The following CRY2 variants were observed in gnomAD, a reference collection of about 807,000 sequenced individuals.
CRY2 encodes cryptochrome-2.
In CRY2, 31 loss-of-function variants were observed where a neutral mutation model predicts 69.5. That is an observed-to-expected ratio of 0.45 (90% CI 0.34 to 0.60). CRY2 has a LOEUF of 0.60. CRY2 is among the 20% of genes least tolerant of loss of function. The pLI is 0.02. For missense variants in CRY2, 606 were observed against 797.8 expected (o/e 0.76, Z 2.90); for synonymous variants, 303 against 312.2 (o/e 0.97, Z 0.31).
chr11:45,855,560 A>G (rs2086232842), intron 1 of CRY2, among the ~76,000 whole-genome samples: 1 of 152,216 alleles, frequency 6.6e-6, no homozygotes. Context: ...CGAGGGAGTA[A>G]GTGACTAGCC....
chr11:45,875,625 G>A (rs1026992496), intron 11 of CRY2, among the ~76,000 whole-genome samples: 1 of 152,200 alleles, frequency 6.6e-6, no homozygotes, highest in African/African-American at 2.4e-5. Context: ...GTGGCTCAGT[G>A]GGGAGTTAGG....
intron 5 of CRY2, chr11:45,867,400 CAAATT>C: frequency 1.7e-6 from 1 of 574,364 alleles, no homozygotes; most frequent in South Asian, 2.7e-5. Flanking sequence ...AGTCACCCCA[CAAATT>C]AAAGAGCAAG....
chr11:45,852,226 C>A (rs568796645), intron 1 of CRY2, among the ~76,000 whole-genome samples: 32 of 152,306 alleles, frequency 2.1e-4, no homozygotes, highest in African/African-American at 7.7e-4. Flanking sequence ...TGAATTTTGG[C>A]CATGTGAGCT....
At position 45,868,889 on chromosome 11, in the gene CRY2, G is replaced by A. The variant is rs556275961; in HGVS notation, c.883-617G>A. On this transcript the variant is annotated intron_variant, in intron 6 of 11. Transcript: ENST00000616080. ...GGGCTCAGGCCATCCACCCACCTCA[G>A]CCTCTCAAAGTGACAGATGCTAGCC... Among the ~76,000 whole-genome samples, 164 of 152,140 alleles carry A rather than the reference G, an allele frequency of 1.1e-3. 1 individual carries two copies. The Middle Eastern group carries it at 0.02, about 19-fold the overall frequency.
At chr11:45,855,249 CCCTGGAGAGG>C (rs1186943152) in intron 1 of CRY2, among the ~76,000 whole-genome samples, 2 of 150,908 alleles carry the variant, frequency 1.3e-5, no homozygotes, top group African/African-American at 2.4e-5. Flanking sequence ...ATCACCAGAG[CCCTGGAGAGG>C]CCTGGAGAGT....
intron 11 of CRY2, among the ~76,000 whole-genome samples, chr11:45,874,272 C>T (rs1017364911): frequency 4.0e-5 from 6 of 150,894 alleles, no homozygotes; most frequent in Non-Finnish European, 8.9e-5. Context: ...AAGAGCAAAA[C>T]TCTGTCTAAA....
rs776464317 is a variant in CRY2 at position 45,870,828 on chromosome 11, C to G, written c.1550-14C>G. ...GCGAGACGGCACTCTGATTACTCCTCGCCTCTCTCCCAGGTCTACTGGCAT... is the reference window on the plus strand; with the variant it reads ...GCGAGACGGCACTCTGATTACTCCTGGCCTCTCTCCCAGGTCTACTGGCAT... On this transcript the variant is annotated splice_polypyrimidine_tract_variant and intron_variant, in intron 9 of 11. Transcript: ENST00000616080. 4.4e-6 allele frequency: 7 copies of G among 1,605,670 alleles called. No individual in the cohort carries two copies. In the South Asian group the frequency reaches 5.5e-5, roughly 13 times the overall value.
chr11:45,872,816 G>A (rs1389669272), intron 11 of CRY2, among the ~76,000 whole-genome samples: 5 of 152,154 alleles, frequency 3.3e-5, no homozygotes, highest in South Asian at 2.1e-4. Flanking sequence ...GTGAAGCAGC[G>A]GGGAAAAGGC....
chr11:45,876,157 G>A (rs77660485), intron 11 of CRY2, among the ~76,000 whole-genome samples: 2,794 of 152,288 alleles, frequency 0.018, 87 homozygotes, highest in African/African-American at 0.063. Flanking sequence ...TGCTTTAGGT[G>A]TAAGATGTGA....
At chr11:45,858,979 A>G (rs1228854834) in intron 3 of CRY2, 106 bp downstream of exon 3, 2 of 1,377,586 alleles carry the variant, frequency 1.5e-6, no homozygotes, top group Non-Finnish European at 2.0e-6. Flanking sequence ...TACCTGACCC[A>G]GGAGGCATGG....
At chr11:45,864,991 C>A (rs1369865430) in intron 5 of CRY2, among the ~76,000 whole-genome samples, 2 of 151,976 alleles carry the variant, frequency 1.3e-5, no homozygotes, top group Admixed American at 6.6e-5. Context: ...AACTCCTGAC[C>A]GCAAGTGATC....
At chr11:45,847,868 CCAGGGTT>C (rs1312919329) in intron 1 of CRY2, among the ~76,000 whole-genome samples, 163 bp downstream of exon 1, 1 of 152,210 alleles carries the variant, frequency 6.6e-6, no homozygotes, top group African/African-American at 2.4e-5. Context: ...CGCCGGTGGG[CCAGGGTT>C]CAGCCTCTGA....
intron 7 of CRY2, 105 bp downstream of exon 7, chr11:45,869,922 G>A: frequency 6.6e-7 from 1 of 1,516,418 alleles, no homozygotes; most frequent in Non-Finnish European, 8.8e-7. Context: ...CTGGGTCCAG[G>A]AGATCCCCTC....
intron 3 of CRY2, among the ~76,000 whole-genome samples, chr11:45,859,408 A>G (rs1351739544): frequency 6.6e-6 from 1 of 152,002 alleles, no homozygotes; most frequent in Non-Finnish European, 1.5e-5. Flanking sequence ...CTAAAAATAA[A>G]TATATTAGCC....
intron 5 of CRY2, 138 bp from the exon 6 acceptor site, chr11:45,867,474 T>C (rs2086340041): frequency 9.1e-7 from 1 of 1,103,552 alleles, no homozygotes; most frequent in African/African-American, 1.6e-5. Flanking sequence ...CAAAATCGGC[T>C]GGACAAGCAC....
chr11:45,868,930 A>G (rs1024405489), intron 6 of CRY2, among the ~76,000 whole-genome samples: 1 of 152,184 alleles, frequency 6.6e-6, no homozygotes, highest in Non-Finnish European at 1.5e-5. Flanking sequence ...ACCTGGCTGT[A>G]TCTAGGTTTT....
intron 4 of CRY2, chr11:45,861,335 A>G (rs757071329): frequency 7.1e-6 from 2 of 283,424 alleles, no homozygotes; most frequent in Non-Finnish European, 6.6e-6. Flanking sequence ...GCTGGTGTCC[A>G]TGGGCTTCTC....
intron 1 of CRY2, among the ~76,000 whole-genome samples, chr11:45,850,014 T>G (rs111525306): frequency 0.4 from 59,865 of 151,002 alleles, 14,406 homozygotes; most frequent in Middle Eastern, 0.52. Context: ...TTTTGTTTTT[T>G]TTTTTTTTTG....
chr11:45,847,152 G>A, upstream of CRY2: 1 of 1,538,532 alleles, frequency 6.5e-7, no homozygotes, highest in Non-Finnish European at 8.8e-7. Flanking sequence ...AACAGGACGT[G>A]GGTAAGAGAT....
Sources: gnomAD v4.1 joint callset for allele counts (sites outside exome capture counted in the v4.1 genomes callset) on GRCh38, gnomAD v4.1.1 for gene constraint, MANE v1.5 for transcripts, NCBI Gene and HGNC (gene_info 2026-07-23, HGNC 2026-07-21) for gene names.